Variants in ADARB2 observed in about 807,000 individuals in gnomAD.
ADARB2 encodes inactive double-stranded RNA-specific editase B2.
Under a neutral mutation model 62.2 loss-of-function variants are expected in ADARB2, and 25 were observed. That is an observed-to-expected ratio of 0.40 (90% CI 0.29 to 0.56). ADARB2 has a LOEUF of 0.56. Among genes scored for constraint, ADARB2 ranks in the 20% least tolerant of loss-of-function variants. The pLI is 0.43. For synonymous variants in ADARB2, 572 were observed against 500.8 expected (o/e 1.14, Z -1.90); for missense variants, 1,071 against 1,077.4 (o/e 0.99, Z 0.08).
At chr10:1,590,323 T>G (rs1460417086) in intron 1 of ADARB2, among the ~76,000 whole-genome samples, 1 of 152,212 alleles carries the variant, frequency 6.6e-6, no homozygotes, top group African/African-American at 2.4e-5. Context: ...TAAGCATGGG[T>G]GAATCAGGCT....
At chr10:1,693,373 G>C (rs1834697543) in intron 1 of ADARB2, among the ~76,000 whole-genome samples, 1 of 152,132 alleles carries the variant, frequency 6.6e-6, no homozygotes, top group African/African-American at 2.4e-5. Context: ...AGAAGACCTG[G>C]AGACTGCAAA....
At chr10:1,246,087 A>G (rs890239205) in intron 4 of ADARB2, among the ~76,000 whole-genome samples, 5 of 151,844 alleles carry the variant, frequency 3.3e-5, no homozygotes, top group Non-Finnish European at 7.4e-5. Context: ...TCTGATGGCC[A>G]GTGATGATGA....
At chr10:1,263,618 G>T (rs1421561818) in intron 4 of ADARB2, among the ~76,000 whole-genome samples, 1 of 152,192 alleles carries the variant, frequency 6.6e-6, no homozygotes, top group African/African-American at 2.4e-5. Flanking sequence ...GCTTTGATTG[G>T]AGTACTAGAC....
intron 3 of ADARB2, among the ~76,000 whole-genome samples, chr10:1,272,704 C>T (rs1357051310): frequency 6.6e-6 from 1 of 152,246 alleles, no homozygotes; most frequent in Non-Finnish European, 1.5e-5. Context: ...TTCCTGGGTG[C>T]TCCCAGTCCA....
chr10:1,224,450 T>G (rs1339856498), intron 6 of ADARB2, among the ~76,000 whole-genome samples: 1 of 152,114 alleles, frequency 6.6e-6, no homozygotes, highest in African/African-American at 2.4e-5. Flanking sequence ...ATTTTAGTTA[T>G]TTCTTGCCTT....
chr10:1,187,964 C>T (rs1278205878), intron 8 of ADARB2: 1 of 244,826 alleles, frequency 4.1e-6, no homozygotes, highest in Non-Finnish European at 9.3e-6. Flanking sequence ...GTTCTAACTA[C>T]AACAGCCCCG....
intron 1 of ADARB2, among the ~76,000 whole-genome samples, chr10:1,418,170 G>A (rs948217351): frequency 2.8e-4 from 43 of 152,190 alleles, no homozygotes; most frequent in African/African-American, 9.4e-4. Flanking sequence ...CAACTTCATC[G>A]TGTTAGTTAT....
intron 1 of ADARB2, among the ~76,000 whole-genome samples, chr10:1,548,956 C>T (rs1832568876): frequency 6.6e-6 from 1 of 152,022 alleles, no homozygotes; most frequent in Non-Finnish European, 1.5e-5. Context: ...TCTGGCTGGG[C>T]CACAGGGGCG....
At position 1,210,405 on chromosome 10, in the gene ADARB2, C is replaced by T. The variant is rs371101641; in HGVS notation, c.1682+6546G>A. On this transcript the variant is annotated intron_variant, in intron 7 of 9. Coordinates refer to ENST00000381312, the MANE Select transcript of ADARB2 (RefSeq NM_018702.4). Reference sequence around the variant, plus strand: ...GAAGAAGCAAATATGACCACGGGTTCCCGGCCTCGTGTGGGATGAGACTCG... The same window carrying T: ...GAAGAAGCAAATATGACCACGGGTTTCCGGCCTCGTGTGGGATGAGACTCG... Among the ~76,000 whole-genome samples, 28 of 152,304 alleles carry T rather than the reference C, an allele frequency of 1.8e-4. 3 individuals carry two copies. The highest frequency in any genetic ancestry group is 1.0e-3 in the South Asian group (5 of 4,828).
chr10:1,489,806 TAATAATTAGCATATTAGGATCAAACAC>T (rs6143734), intron 1 of ADARB2, among the ~76,000 whole-genome samples: 16,911 of 152,210 alleles, frequency 0.11, 1,680 homozygotes, highest in East Asian at 0.35. Context: ...TGAGGGATCC[TAATAATTAGCATATTAGGATCAAACAC>T]TCTTGGGTGT....
intron 3 of ADARB2, among the ~76,000 whole-genome samples, chr10:1,295,648 G>A (rs906299615): frequency 6.9e-6 from 1 of 144,736 alleles, no homozygotes; most frequent in Non-Finnish European, 1.5e-5. Context: ...CTAGAATCCT[G>A]ACTTATTTAG....
intron 6 of ADARB2, among the ~76,000 whole-genome samples, chr10:1,227,453 G>A (rs915297735): frequency 2.6e-5 from 4 of 152,188 alleles, no homozygotes; most frequent in South Asian, 2.1e-4. Context: ...AGATGAACCC[G>A]GTACCTCAGT....
chr10:1,214,071 A>G (rs372791664), intron 7 of ADARB2, among the ~76,000 whole-genome samples: 1 of 143,500 alleles, frequency 7.0e-6, no homozygotes, highest in Non-Finnish European at 1.5e-5. Flanking sequence ...TGCCGGTGAC[A>G]CATAGGTTTG....
In ADARB2 at chr10:1,704,610, T is replaced by C. The variant is rs1477798421; in HGVS notation, c.100+32441A>G. ...CAGCTCCTAACAGGTCCTGGACCAG[T>C]ACCAGTCCTTGGCCCGGGGGCTGGA... On this transcript the variant is annotated intron_variant, in intron 1 of 9. Transcript: ENST00000381312. The surrounding 1 kb of genome is among the most constrained non-coding windows in gnomAD (Gnocchi z 5.6). Among the ~76,000 whole-genome samples the C allele has an allele frequency of 6.6e-6, 1 of 152,196 alleles. No individual in the cohort carries two copies. The highest frequency in any genetic ancestry group is 2.4e-5 in the African/African-American group (1 of 41,450).
intron 1 of ADARB2, among the ~76,000 whole-genome samples, chr10:1,626,724 G>A (rs1833774358): frequency 6.6e-6 from 1 of 152,202 alleles, no homozygotes; most frequent in South Asian, 2.1e-4. Context: ...ACACGTCCCG[G>A]CTTGTCGCTC....
chr10:1,612,310 A>C (rs987210656), intron 1 of ADARB2, among the ~76,000 whole-genome samples: 2 of 152,226 alleles, frequency 1.3e-5, no homozygotes, highest in Non-Finnish European at 2.9e-5. Context: ...GGAAGCCAGG[A>C]GGAAAGAGCA....
At position 1,584,097 on chromosome 10, in the gene ADARB2, C is replaced by A. The variant is rs572081275; in HGVS notation, c.100+152954G>T. Among the ~76,000 whole-genome samples, 3 of 152,164 alleles carry A rather than the reference C, an allele frequency of 2.0e-5. No homozygotes were observed. In the South Asian group the frequency reaches 6.2e-4, roughly 32 times the overall value. ...AGGTATGATGCTGACTTTTTAGATA[C>A]GACACCCAAGAAACAATCCATAAAA... On this transcript the variant is annotated intron_variant, in intron 1 of 9. Coordinates refer to ENST00000381312, the MANE Select transcript of ADARB2 (RefSeq NM_018702.4).
intron 7 of ADARB2, among the ~76,000 whole-genome samples, chr10:1,211,378 C>T (rs1322358667): frequency 6.6e-6 from 1 of 152,104 alleles, no homozygotes; most frequent in South Asian, 2.1e-4. Flanking sequence ...TCTGTCATCT[C>T]TATCCATCTA....
At position 1,233,822 on chromosome 10, in the gene ADARB2, C is replaced by T. The variant is rs139936295; in HGVS notation, c.1385G>A (p.Arg462Gln). ...HLSKRREDSE[R>Q]SIFVRLKEGG... is the part of the protein sequence containing the mutation. Reference sequence around the variant, plus strand: ...TTCTTTTAACCGCACGAATATCGATCGCTCTGAGTCCTCGCGCCGCTTGCT... The same window carrying T: ...TTCTTTTAACCGCACGAATATCGATTGCTCTGAGTCCTCGCGCCGCTTGCT... The change falls in exon 6 of 10, where the codon CGA becomes CAA. Residue 462 changes from arginine to glutamine, a missense_variant. Coordinates refer to ENST00000381312, the MANE Select transcript of ADARB2 (RefSeq NM_018702.4). 2.8e-5 allele frequency: 45 copies of T among 1,613,972 alleles called. No individual in the cohort carries two copies. The highest frequency in any genetic ancestry group is 2.1e-4 in the African/African-American group (16 of 74,998).
Sources: gnomAD v4.1 joint callset for allele counts (sites outside exome capture counted in the v4.1 genomes callset) on GRCh38, gnomAD v4.1.1 for gene constraint, Gnocchi (gnomAD v3.1) non-coding constraint, MANE v1.5 for transcripts, NCBI Gene and HGNC (gene_info 2026-07-23, HGNC 2026-07-21) for gene names.